WDR13: variants seen among roughly 807,000 people sequenced by gnomAD.
The protein encoded by WDR13 is WD repeat domain 13.
Under a neutral mutation model 28.6 loss-of-function variants are expected in WDR13, and 1 was observed. The observed-to-expected ratio is 0.03, with a 90% CI of 0.01 to 0.17. WDR13 has a LOEUF of 0.17. WDR13 is among the 10% of genes least tolerant of loss of function. The pLI, the probability that WDR13 is intolerant of heterozygous loss-of-function variation, is 1.00. For missense variants in WDR13, 264 were observed against 469.3 expected, an observed-to-expected ratio of 0.56 and a Z score of 4.04; for synonymous variants, 201 against 185.9, an observed-to-expected ratio of 1.08 and a Z score of -0.66.
At chrX:48,602,515 C>T (rs1227169221) in intron 8 of WDR13, among the ~76,000 whole-genome samples, 1 of 103,940 alleles carries the variant, frequency 9.6e-6, no homozygotes, top group African/African-American at 3.4e-5. Context: ...GACCTGTTTT[C>T]CTTTCTTCCT....
intron 8 of WDR13, among the ~76,000 whole-genome samples, chrX:48,603,900 A>G (rs1427743553): frequency 4.5e-5 from 5 of 111,486 alleles, no homozygotes; most frequent in Admixed American, 9.6e-5. Context: ...GCTCCCATTT[A>G]TATCAACAGA....
rs1556993155 is a variant in WDR13, at chrX:48,598,040, G to A, written c.41+3G>A. On this transcript the variant is annotated splice_donor_region_variant and intron_variant, in intron 2 of 9. Coordinates refer to ENST00000376729, the MANE Select transcript of WDR13 (RefSeq NM_001347217.2). ...CAAGTCTTAGCAGTGGACGCGAGGT[G>A]AGGCGTGGGGTCAAAGCCCATGGGA... The A allele has an allele frequency of 8.6e-7, 1 of 1,164,695 alleles. No homozygotes were observed.
chrX:48,605,037 C>CA lies in WDR13; in HGVS notation c.*5_*6insA. The CA allele has an allele frequency of 8.4e-7, 1 of 1,196,514 alleles. No homozygotes were observed. Among genetic ancestry groups the CA allele is most frequent in the Non-Finnish European group, 1.1e-6 (1 of 884,107 alleles). Reference sequence around the variant, plus strand: ...TGGAGGCGGGAGCAGAAGTAGGGTCCTGTCGGCCCTGCTGCTGTCCTCCAT... The same window carrying CA: ...TGGAGGCGGGAGCAGAAGTAGGGTCCATGTCGGCCCTGCTGCTGTCCTCCAT... On this transcript the variant is annotated 3_prime_UTR_variant, in exon 10 of 10. Coordinates refer to ENST00000376729, the MANE Select transcript of WDR13 (RefSeq NM_001347217.2).
chrX:48,597,789 G>A (rs1205003767), intron 1 of WDR13, 169 bp from the exon 2 acceptor site: 9 of 596,590 alleles, frequency 1.5e-5, no homozygotes, highest in Admixed American at 5.2e-5. Flanking sequence ...CCCGGGCGCT[G>A]CCCAGGAAGG....
chrX:48,604,310 G>A lies in WDR13; in HGVS notation c.1193G>A (p.Ser398Asn). 2 of 1,211,348 alleles carry A rather than the reference G, an allele frequency of 1.7e-6. No individual in the cohort carries two copies. Among genetic ancestry groups the A allele is most frequent in the Non-Finnish European group, 2.2e-6 (2 of 895,313 alleles). The stretch of plus-strand genomic sequence containing the variant: ...GAGGGGACCCTGCAGCTGAAGAGAA[G>A]CTTCCCCATCGAGCAGAGCTCACAT... Reference protein sequence around the residue: ...DNEGTLQLKRSFPIEQSSHPV... With the variant: ...DNEGTLQLKRNFPIEQSSHPV... The change falls in exon 9 of 10, where the codon AGC (serine) becomes AAC (asparagine). Residue 398 changes from serine (S) to asparagine (N), a missense_variant. Around this residue, in one of 4 missense-constraint regions of WDR13, gnomAD observed 157 missense variants for 270.2 expected, o/e 0.58. Transcript: ENST00000376729.
At position 48,600,575 on chromosome X, in the gene WDR13, C is replaced by G; in HGVS notation, c.780C>G (p.Ser260Arg). Residue 260 changes from serine (S) to arginine (R), a missense_variant, in exon 6 of 10, where the codon AGC (serine) becomes AGG (arginine). This residue lies in a region of WDR13 where 157 missense variants were observed against 270.2 expected (regional missense o/e 0.58). Transcript: ENST00000376729. Reference sequence around the variant, plus strand: ...TCCGAGAGATCCCTGACCCCGATAGCGCTGAACTGCTCTGCTGCACCTTCC... The same window carrying G: ...TCCGAGAGATCCCTGACCCCGATAGGGCTGAACTGCTCTGCTGCACCTTCC... ...RCIREIPDPD[S>R]AELLCCTFQP... The G allele has an allele frequency of 8.3e-7, 1 of 1,211,277 alleles. No individual in the cohort carries two copies. Among genetic ancestry groups the G allele is most frequent in the Non-Finnish European group, 1.1e-6 (1 of 895,289 alleles).
Position 48,599,219 on chromosome X carries a change from A to G in WDR13, c.283-134A>G, listed in dbSNP as rs782084369. ...GTGAGGAAGCCACTGCAGTAGTACA[A>G]GTGGGCAGCGGTGGTGGTGGCAGGG... On this transcript the variant is annotated intron_variant, in intron 3 of 9. Transcript: ENST00000376729. 4 of 623,683 alleles carry G rather than the reference A, an allele frequency of 6.4e-6. No homozygotes were observed. In the African/African-American group the frequency reaches 9.1e-5, roughly 14 times the overall value. 51.4% of individuals were successfully genotyped at this position (623,683 alleles called of 1,213,427 possible).
intron 8 of WDR13, 120 bp from the exon 9 acceptor site, chrX:48,604,152 A>T: frequency 3.3e-6 from 2 of 601,945 alleles, no homozygotes; most frequent in Non-Finnish European, 5.1e-6. Context: ...AACAAAAAAA[A>T]AAATATGGGT....
At chrX:48,599,156 A>C (rs782150798) in intron 3 of WDR13, 197 bp from the exon 4 acceptor site, 2 of 706,054 alleles carry the variant, frequency 2.8e-6, no homozygotes, top group East Asian at 7.1e-5. Context: ...TGTCTTTAGT[A>C]TCTGCTGAGC....
intron 5 of WDR13, 89 bp from the exon 6 acceptor site, chrX:48,600,230 C>T (rs2062174016): frequency 4.8e-6 from 5 of 1,051,377 alleles, no homozygotes; most frequent in Admixed American, 5.9e-5. Context: ...AGTGGGGCCC[C>T]AGCCCCAGGC....
chrX:48,604,760 C>A (rs2062211071), intron 9 of WDR13, 88 bp from the exon 10 acceptor site: 1 of 1,036,194 alleles, frequency 9.7e-7, no homozygotes, highest in African/African-American at 1.8e-5. Flanking sequence ...CTCGGACATA[C>A]ACCCTTCAAC....
rs2062228260 is a variant in WDR13 at position 48,607,427 on chromosome X, G to C, written c.*2395G>C. On this transcript the variant is annotated 3_prime_UTR_variant, in exon 10 of 10. Coordinates refer to ENST00000376729, the MANE Select transcript of WDR13 (RefSeq NM_001347217.2). The stretch of plus-strand genomic sequence containing the variant: ...CTGACGCCCAGGCTGGAATGCAGTG[G>C]CATGATCTTGGCTCACTGCAGCCTC... 1.0e-5 allele frequency: 1 copy of C among 96,523 alleles called. No individual in the cohort carries two copies. Among genetic ancestry groups the C allele is most frequent in the Non-Finnish European group, 2.1e-5 (1 of 48,170 alleles). The allele number at this position is 96,523 out of a possible 1,213,427, so 8.0% of individuals were successfully genotyped here.
Position 48,599,580 on chromosome X carries a change from G to GGCCCAGGCCCCCTGGCAGCGTGGT in WDR13, c.393-1_415dup. ...CCTGTCACCCCTCACTTCCTATTGG[G>GGCCCAGGCCCCCTGGCAGCGTGGT]GCCCAGGCCCCCTGGCAGCGTGGTG... On this transcript the variant is annotated splice_region_variant and splice_polypyrimidine_tract_variant and intron_variant, in intron 4 of 9. Transcript: ENST00000376729. The GGCCCAGGCCCCCTGGCAGCGTGGT allele has an allele frequency of 1.6e-6, 2 of 1,212,427 alleles. No individual in the cohort carries two copies. Among genetic ancestry groups the GGCCCAGGCCCCCTGGCAGCGTGGT allele is most frequent in the Non-Finnish European group, 2.2e-6 (2 of 895,604 alleles).
Position 48,607,872 on chromosome X carries a change from A to C in WDR13, c.*2840A>C, listed in dbSNP as rs2062230838. The C allele has an allele frequency of 9.4e-6, 1 of 106,621 alleles. No homozygotes were observed. Among genetic ancestry groups the C allele is most frequent in the East Asian group, 3.0e-4 (1 of 3,306 alleles). The allele number at this position is 106,621 out of a possible 1,213,427, so 8.8% of individuals were successfully genotyped here. A position where few individuals can be genotyped will look rare whatever the true frequency, so the allele number is the denominator to read the frequency against. ...TAACCTCCGCCTCCTGGGTTCAAGCAATTCTCCTGCCTCAGCTTCCTGAAT... is the reference window on the plus strand; with the variant it reads ...TAACCTCCGCCTCCTGGGTTCAAGCCATTCTCCTGCCTCAGCTTCCTGAAT... On this transcript the variant is annotated 3_prime_UTR_variant, in exon 10 of 10. Coordinates refer to ENST00000376729, the MANE Select transcript of WDR13 (RefSeq NM_001347217.2).
chrX:48,597,811 G>A (rs2062152696), intron 1 of WDR13, 147 bp from the exon 2 acceptor site: 1 of 769,023 alleles, frequency 1.3e-6, no homozygotes. Flanking sequence ...CAGGGCTGGG[G>A]TGATGACCAT....
At chrX:48,599,486 C>A in intron 4 of WDR13, 24 bp downstream of exon 4, 1 of 1,203,122 alleles carries the variant, frequency 8.3e-7, no homozygotes, top group Non-Finnish European at 1.1e-6. Flanking sequence ...GCAGCCAAGG[C>A]GGGGGGCGGG....
rs879950335 is a variant in WDR13, at chrX:48,602,061, G to A, written c.1013-4G>A. 8.3e-7 allele frequency: 1 copy of A among 1,210,252 alleles called. No individual in the cohort carries two copies. Among genetic ancestry groups the A allele is most frequent in the Non-Finnish European group, 1.1e-6 (1 of 894,089 alleles). On this transcript the variant is annotated splice_polypyrimidine_tract_variant and splice_region_variant and intron_variant, in intron 7 of 9. Transcript: ENST00000376729. ...CTTTGCCTTCCCTCCCTCTGCTGCT[G>A]CAGGGAAGCTGACCAAAGCCAAGCG...
chrX:48,603,342 C>T (rs1174479276), intron 8 of WDR13, among the ~76,000 whole-genome samples: 6 of 110,370 alleles, frequency 5.4e-5, no homozygotes, highest in African/African-American at 1.3e-4. Context: ...GAAAGAAAGA[C>T]GTTTTAAAGA....
intron 8 of WDR13, 21 bp from the exon 9 acceptor site, chrX:48,604,251 C>T (rs1556995411): frequency 9.2e-6 from 11 of 1,198,040 alleles, no homozygotes; most frequent in African/African-American, 3.5e-5. Flanking sequence ...TGTGTTTTGA[C>T]CCACTCTCTC....
Sources: allele counts gnomAD v4.1 joint callset (sites outside exome capture counted in the v4.1 genomes callset), GRCh38; gene constraint gnomAD v4.1.1; regional missense constraint gnomAD v4.1.1; transcripts MANE v1.5; gene names NCBI Gene and HGNC (gene_info 2026-07-23, HGNC 2026-07-21).